The following LRMDA variants were observed in gnomAD, a reference collection of about 807,000 sequenced individuals.
The protein encoded by LRMDA is leucine-rich melanocyte differentiation-associated protein.
A neutral mutation model predicts 29.8 loss-of-function variants in LRMDA; 18 were observed. The observed-to-expected ratio is 0.60, with a 90% confidence interval of 0.42 to 0.90. The LOEUF (loss-of-function observed/expected upper bound fraction) is 0.90. LRMDA is among the 40% of genes least tolerant of loss of function. The probability of loss-of-function intolerance (pLI) is 0.00; values close to 1 mark genes in which losing one functional copy is unlikely to be tolerated. For missense variants in LRMDA, 273 were observed against 273.9 expected (o/e 1.00, Z 0.02); for synonymous variants, 125 against 109.4 (o/e 1.14, Z -0.89).
At chr10:76,284,719 C>A (rs1451227775) in intron 5 of LRMDA, among the ~76,000 whole-genome samples, 1 of 152,110 alleles carries the variant, frequency 6.6e-6, no homozygotes, top group African/African-American at 2.4e-5. Context: ...CCATAATCCC[C>A]AGGTGTTGTG....
At chr10:75,853,121 C>T (rs1050617850) in intron 2 of LRMDA, among the ~76,000 whole-genome samples, 3 of 152,088 alleles carry the variant, frequency 2.0e-5, no homozygotes, top group African/African-American at 4.8e-5. Flanking sequence ...GTCCCTCCCA[C>T]GACACATGGG....
chr10:76,053,573 T>G (rs185326027), intron 4 of LRMDA, among the ~76,000 whole-genome samples: 15 of 152,236 alleles, frequency 9.9e-5, no homozygotes, highest in African/African-American at 3.6e-4. Context: ...TGACATGACC[T>G]AGAACAAAGG....
intron 5 of LRMDA, among the ~76,000 whole-genome samples, chr10:76,266,604 G>A (rs929303403): frequency 6.6e-6 from 1 of 152,134 alleles, no homozygotes; most frequent in Non-Finnish European, 1.5e-5. Context: ...TAAGAAAAGC[G>A]AGGAGGTAGA....
intron 5 of LRMDA, among the ~76,000 whole-genome samples, chr10:76,266,049 C>T (rs1385514594): frequency 6.6e-6 from 1 of 152,100 alleles, no homozygotes; most frequent in Non-Finnish European, 1.5e-5. Flanking sequence ...CCTACATGAT[C>T]TCAGACCAGT....
At chr10:75,511,245 G>C (rs1032120301) in intron 2 of LRMDA, among the ~76,000 whole-genome samples, 3 of 152,192 alleles carry the variant, frequency 2.0e-5, no homozygotes, top group African/African-American at 7.2e-5. Context: ...TGAGGTGGGA[G>C]GATTGCCTCA....
chr10:75,660,560 G>T (rs1343248672), intron 2 of LRMDA, among the ~76,000 whole-genome samples: 2 of 152,164 alleles, frequency 1.3e-5, no homozygotes, highest in African/African-American at 4.8e-5. Flanking sequence ...ACCAATTCAT[G>T]GGACGCCTGA....
rs1202324650 is a variant in LRMDA, at chr10:76,150,704, T to TC, written c.516+91928dup. 3.9e-5 allele frequency among the ~76,000 whole-genome samples: 6 copies of TC among 151,950 alleles called. No homozygotes were observed. The East Asian group carries it at 7.7e-4, about 20-fold the overall frequency. The stretch of plus-strand genomic sequence containing the variant: ...GTCTTTGTTCACTGTTGTGTTTAAA[T>TC]CCCCCCCATTCATTAATCATCCCTT... On this transcript the variant is annotated intron_variant, in intron 5 of 6. Coordinates refer to ENST00000611255, the MANE Select transcript of LRMDA (RefSeq NM_001305581.2).
At chr10:75,984,519 C>CAGAA in intron 2 of LRMDA, among the ~76,000 whole-genome samples, 1 of 152,204 alleles carries the variant, frequency 6.6e-6, no homozygotes, top group Admixed American at 6.5e-5. Context: ...ACTCACAGGG[C>CAGAA]CTAAAGCGGG....
In LRMDA at chr10:75,791,038, G is replaced by A. The variant is rs997696889; in HGVS notation, c.132-244970G>A. On this transcript the variant is annotated intron_variant, in intron 2 of 6. Coordinates refer to ENST00000611255, the MANE Select transcript of LRMDA (RefSeq NM_001305581.2). ...GTCTCAGCAGAAGGGGCTTCATTCC[G>A]AGCTATGGGGGCTAATTCTGTGCAG... 5.9e-5 allele frequency among the ~76,000 whole-genome samples: 9 copies of A among 152,208 alleles called. No homozygotes were observed. The South Asian group carries it at 6.2e-4, about 11-fold the overall frequency.
intron 2 of LRMDA, among the ~76,000 whole-genome samples, chr10:75,988,310 C>G (rs1474437373): frequency 1.3e-5 from 2 of 152,122 alleles, no homozygotes; most frequent in East Asian, 1.9e-4. Context: ...TATCCACCAC[C>G]CTTCTTCCTC....
chr10:75,681,002 C>T (rs920633607), intron 2 of LRMDA, among the ~76,000 whole-genome samples: 1 of 151,978 alleles, frequency 6.6e-6, no homozygotes, highest in Non-Finnish European at 1.5e-5. Flanking sequence ...ATATTAAATA[C>T]GTTGTTAATG....
intron 5 of LRMDA, among the ~76,000 whole-genome samples, chr10:76,264,016 A>C (rs1257233480): frequency 1.3e-5 from 2 of 152,086 alleles, no homozygotes; most frequent in Middle Eastern, 3.2e-3. Context: ...GGTTCCATTC[A>C]CTCTAAGGGA....
chr10:76,078,451 A>G (rs765498139), intron 5 of LRMDA, among the ~76,000 whole-genome samples: 33 of 152,176 alleles, frequency 2.2e-4, no homozygotes, highest in Non-Finnish European at 4.6e-4. Context: ...AGGAGAACCA[A>G]GATGAGGTGA....
intron 2 of LRMDA, among the ~76,000 whole-genome samples, chr10:75,797,890 T>C (rs1278066069): frequency 6.6e-6 from 1 of 152,224 alleles, no homozygotes; most frequent in Non-Finnish European, 1.5e-5. Flanking sequence ...GTCAAATTGC[T>C]GCTAGACTGA....
At chr10:76,378,858 C>CTTTTTTTTTTTTTTTTTTTT (rs144037195) in intron 6 of LRMDA, among the ~76,000 whole-genome samples, 34 of 118,960 alleles carry the variant, frequency 2.9e-4, no homozygotes, top group Non-Finnish European at 3.7e-4. Context: ...CTTTTTTTTT[C>CTTTTTTTTTTTTTTTTTTTT]TTTTTTTTTT....
chr10:76,035,984 T>G (rs1564635480), intron 2 of LRMDA, 24 bp from the exon 3 acceptor site: 1 of 1,611,890 alleles, frequency 6.2e-7, no homozygotes, highest in Non-Finnish European at 8.5e-7. Context: ...AGGATCATTT[T>G]TCCTGTTGCC....
chr10:76,300,148 C>T (rs1331382496), intron 5 of LRMDA, among the ~76,000 whole-genome samples: 6 of 152,106 alleles, frequency 3.9e-5, no homozygotes, highest in East Asian at 3.9e-4. Flanking sequence ...TATGACTAAC[C>T]ATGTACCTAT....
intron 6 of LRMDA, among the ~76,000 whole-genome samples, chr10:76,553,479 C>G (rs973338742): frequency 5.9e-5 from 9 of 152,164 alleles, no homozygotes; most frequent in African/African-American, 1.2e-4. Flanking sequence ...GTAATTTTCA[C>G]AGTTGATGGC....
At chr10:76,501,421 C>T (rs912456834) in intron 6 of LRMDA, among the ~76,000 whole-genome samples, 3 of 151,788 alleles carry the variant, frequency 2.0e-5, no homozygotes, top group South Asian at 4.2e-4. Flanking sequence ...ATGGTAGCTC[C>T]GTTTTATGTT....
Sources: gnomAD v4.1 joint callset for allele counts (sites outside exome capture counted in the v4.1 genomes callset) on GRCh38, gnomAD v4.1.1 for gene constraint, MANE v1.5 for transcripts, NCBI Gene and HGNC (gene_info 2026-07-23, HGNC 2026-07-21) for gene names.